Variants in PSTPIP2 observed in about 807,000 individuals in gnomAD.
The protein encoded by PSTPIP2 is proline-serine-threonine phosphatase-interacting protein 2.
In PSTPIP2, 33 loss-of-function variants were observed where a neutral mutation model predicts 63.3. The observed-to-expected ratio is 0.52, with a 90% CI of 0.40 to 0.70. The LOEUF (loss-of-function observed/expected upper bound fraction) is 0.70, where lower values mean the gene tolerates loss of function less well. Among genes scored for constraint, PSTPIP2 ranks in the 30% least tolerant of loss-of-function variants. The pLI is 0.00. For missense variants in PSTPIP2, 312 were observed against 400.7 expected, an observed-to-expected ratio of 0.78 and a Z score of 1.89; for synonymous variants, 125 against 132.7, an observed-to-expected ratio of 0.94 and a Z score of 0.40.
In PSTPIP2 at chr18:46,049,008, A is replaced by ATGTGTGTG. The variant is rs59638072; in HGVS notation, c.34-8969_34-8962dup. ...CTTTCAAATGGTTCAGAAAAAAAGC[A>ATGTGTGTG]TGTGTGTGTGTGTGTGTGTGTGTGT... On this transcript the variant is annotated intron_variant, in intron 1 of 14. Coordinates refer to ENST00000409746, the MANE Select transcript of PSTPIP2 (RefSeq NM_024430.4). Among the ~76,000 whole-genome samples the ATGTGTGTG allele has an allele frequency of 1.6e-3, 218 of 136,368 alleles. 2 individuals carry two copies. Among genetic ancestry groups the ATGTGTGTG allele is most frequent in the African/African-American group, 5.3e-3 (195 of 37,032 alleles). 89.5% of individuals were successfully genotyped at this position (136,368 alleles called of 152,430 possible). A position where few individuals can be genotyped will look rare whatever the true frequency, so the allele number is the denominator to read the frequency against.
chr18:46,045,543 G>C lies in PSTPIP2; in HGVS notation c.34-5496C>G, dbSNP rs535808258. The stretch of plus-strand genomic sequence containing the variant: ...GGGGGAGGGGGAAGGGATAGCTTTA[G>C]GAGATATACCTAATGCTAAATGATG... On this transcript the variant is annotated intron_variant, in intron 1 of 14. Coordinates refer to ENST00000409746, the MANE Select transcript of PSTPIP2 (RefSeq NM_024430.4). Among the ~76,000 whole-genome samples the C allele has an allele frequency of 2.0e-5, 3 of 152,202 alleles. No homozygotes were observed. The East Asian group carries it at 5.8e-4, about 29-fold the overall frequency.
At chr18:46,045,101 C>T (rs1360294908) in intron 1 of PSTPIP2, among the ~76,000 whole-genome samples, 5 of 152,186 alleles carry the variant, frequency 3.3e-5, no homozygotes, top group South Asian at 4.2e-4. Flanking sequence ...GTCAGTGTGG[C>T]GATTCCTCAG....
At chr18:45,998,908 A>G in intron 7 of PSTPIP2, 69 bp from the exon 8 acceptor site, 1 of 1,552,398 alleles carries the variant, frequency 6.4e-7, no homozygotes, top group South Asian at 1.1e-5. Flanking sequence ...TTCCACAGGC[A>G]AAACAGATTG....
intron 2 of PSTPIP2, among the ~76,000 whole-genome samples, chr18:46,026,196 A>C (rs929464395): frequency 2.6e-5 from 4 of 152,266 alleles, no homozygotes; most frequent in African/African-American, 9.6e-5. Context: ...AGTGTACAGG[A>C]GCTCCCATTT....
At chr18:45,999,928 A>G (rs2051645033) in intron 6 of PSTPIP2, among the ~76,000 whole-genome samples, 1 of 152,204 alleles carries the variant, frequency 6.6e-6, no homozygotes, top group African/African-American at 2.4e-5. Flanking sequence ...GCTTGAGCCC[A>G]GAAGTTCAAG....
At chr18:46,021,948 T>C (rs1452516539) in intron 3 of PSTPIP2, among the ~76,000 whole-genome samples, 1 of 151,500 alleles carries the variant, frequency 6.6e-6, no homozygotes, top group Non-Finnish European at 1.5e-5. Flanking sequence ...TGGAGAAATA[T>C]TTGATTCCAG....
intron 1 of PSTPIP2, among the ~76,000 whole-genome samples, chr18:46,069,501 G>A (rs1258711728): frequency 6.6e-6 from 1 of 152,136 alleles, no homozygotes; most frequent in Non-Finnish European, 1.5e-5. Context: ...ATTTTAAAAT[G>A]ATTTTTAGAG....
chr18:46,008,060 A>C (rs1161686775), intron 5 of PSTPIP2, among the ~76,000 whole-genome samples: 2 of 152,228 alleles, frequency 1.3e-5, no homozygotes, highest in African/African-American at 4.8e-5. Flanking sequence ...AGAGCTCCTC[A>C]GGGCAGTGTC....
chr18:46,034,159 A>C (rs950860500), intron 2 of PSTPIP2, among the ~76,000 whole-genome samples: 1 of 152,180 alleles, frequency 6.6e-6, no homozygotes, highest in Non-Finnish European at 1.5e-5. Context: ...TGGGACGTAC[A>C]GGAGCTTATG....
At chr18:45,994,195 AAAAGTCATTGCCTGAGAT>A (rs57500817) in intron 9 of PSTPIP2, among the ~76,000 whole-genome samples, 8,481 of 152,320 alleles carry the variant, frequency 0.056, 767 homozygotes, top group African/African-American at 0.19. Flanking sequence ...GGGTTAAAAT[AAAAGTCATTGCCTGAGAT>A]ACAGTATTTT....
intron 4 of PSTPIP2, among the ~76,000 whole-genome samples, chr18:46,012,082 C>T (rs952187615): frequency 6.6e-6 from 1 of 152,082 alleles, no homozygotes; most frequent in African/African-American, 2.4e-5. Context: ...TATTTAAAAA[C>T]CAGTTAAAGA....
chr18:46,003,833 C>T (rs535502502), intron 6 of PSTPIP2, among the ~76,000 whole-genome samples: 7 of 151,492 alleles, frequency 4.6e-5, no homozygotes, highest in South Asian at 2.1e-4. Flanking sequence ...CTCGGCTCAC[C>T]GCAACCTCCA....
At chr18:46,071,428 C>A (rs943469617) in intron 1 of PSTPIP2, among the ~76,000 whole-genome samples, 3 of 152,116 alleles carry the variant, frequency 2.0e-5, no homozygotes, top group Non-Finnish European at 4.4e-5. Context: ...GGGGGACAGG[C>A]AGACCTGCTC....
At chr18:46,064,349 G>A (rs374034137) in intron 1 of PSTPIP2, among the ~76,000 whole-genome samples, 19 of 137,168 alleles carry the variant, frequency 1.4e-4, no homozygotes, top group South Asian at 9.4e-4. Flanking sequence ...GGAGTGCAGC[G>A]GAGTGACCTT....
Position 46,069,050 on chromosome 18 carries a change from A to G in PSTPIP2, c.33+3106T>C, listed in dbSNP as rs762307518. Among the ~76,000 whole-genome samples the G allele has an allele frequency of 7.6e-4, 116 of 152,194 alleles. 1 individual carries two copies. Among genetic ancestry groups the G allele is most frequent in the Non-Finnish European group, 3.2e-4 (22 of 68,038 alleles). ...AACAGCAACTAGGAAGCTGGTCTAC[A>G]CCAAGAACCTTGGGAATCAGGAAGG... On this transcript the variant is annotated intron_variant, in intron 1 of 14. Coordinates refer to ENST00000409746, the MANE Select transcript of PSTPIP2 (RefSeq NM_024430.4).
chr18:45,996,779 T>C (rs1260372645), intron 9 of PSTPIP2, among the ~76,000 whole-genome samples: 1 of 151,826 alleles, frequency 6.6e-6, no homozygotes, highest in Non-Finnish European at 1.5e-5. Flanking sequence ...AAAAATAAAA[T>C]AAATAATAAA....
At chr18:46,025,898 G>A (rs531180044) in intron 2 of PSTPIP2, among the ~76,000 whole-genome samples, 88 of 152,248 alleles carry the variant, frequency 5.8e-4, no homozygotes, top group African/African-American at 2.0e-3. Flanking sequence ...GGGACTACAG[G>A]TGTGCGCCAC....
Position 45,985,367 on chromosome 18 carries a change from G to A in PSTPIP2, c.*92C>T. 1 of 1,543,274 alleles carries A rather than the reference G, an allele frequency of 6.5e-7. No individual in the cohort carries two copies. Among genetic ancestry groups the A allele is most frequent in the Non-Finnish European group, 8.8e-7 (1 of 1,130,342 alleles). ...AAGGGTTCACTTCAAAGTCTTCATT[G>A]CTGACATAACGTGGCTATAGGTCCT... On this transcript the variant is annotated 3_prime_UTR_variant, in exon 15 of 15. Transcript: ENST00000409746.
At chr18:46,061,104 G>A (rs2144132047) in intron 1 of PSTPIP2, among the ~76,000 whole-genome samples, 1 of 152,260 alleles carries the variant, frequency 6.6e-6, no homozygotes, top group South Asian at 2.1e-4. Flanking sequence ...AGGAGTTCAA[G>A]AGCAACCTGG....
Sources: gnomAD v4.1 joint callset for allele counts (sites outside exome capture counted in the v4.1 genomes callset) on GRCh38, gnomAD v4.1.1 for gene constraint, MANE v1.5 for transcripts, NCBI Gene and HGNC (gene_info 2026-07-23, HGNC 2026-07-21) for gene names.